CDIP1: variants seen among roughly 807,000 people sequenced by gnomAD.
CDIP1 encodes the protein cell death inducing p53 target 1.
A neutral mutation model predicts 17.7 loss-of-function variants in CDIP1; 9 were observed. The observed-to-expected ratio is 0.51, with a 90% CI of 0.31 to 0.89. The LOEUF is 0.89. CDIP1 is among the 40% of genes least tolerant of loss of function. CDIP1 has a pLI of 0.05. For missense variants in CDIP1, 263 were observed against 277.9 expected (o/e 0.95, Z 0.38); for synonymous variants, 117 against 109.5 (o/e 1.07, Z -0.43).
chr16:4,528,287 C>T (rs2059020806), intron 1 of CDIP1, among the ~76,000 whole-genome samples: 1 of 152,142 alleles, frequency 6.6e-6, no homozygotes. Flanking sequence ...ATATATTGCC[C>T]AGGCAGGTCT....
chr16:4,526,438 C>T (rs149776871), intron 1 of CDIP1, among the ~76,000 whole-genome samples: 100 of 151,714 alleles, frequency 6.6e-4, no homozygotes, highest in African/African-American at 1.9e-3. Flanking sequence ...CGGTGGCTCA[C>T]ACCTGTAATC....
chr16:4,512,258 A>G lies in CDIP1; in HGVS notation c.*314T>C. ...GGACTGAACCTGTACCTTGTTTGGAAACAGAGGCATCAGGACCCCAGCAGG... is the reference window on the plus strand; with the variant it reads ...GGACTGAACCTGTACCTTGTTTGGAGACAGAGGCATCAGGACCCCAGCAGG... On this transcript the variant is annotated 3_prime_UTR_variant, in exon 6 of 6. Coordinates refer to ENST00000567695, the MANE Select transcript of CDIP1 (RefSeq NM_013399.3). The surrounding 1 kb of genome is among the most constrained non-coding windows in gnomAD (Gnocchi z 4.6). The G allele has an allele frequency of 4.5e-6, 2 of 444,556 alleles. No individual in the cohort carries two copies. Among genetic ancestry groups the G allele is most frequent in the South Asian group, 4.5e-5 (2 of 44,200 alleles). 27.5% of individuals were successfully genotyped at this position (444,556 alleles called of 1,614,324 possible). A position where few individuals can be genotyped will look rare whatever the true frequency, so the allele number is the denominator to read the frequency against.
intron 1 of CDIP1, among the ~76,000 whole-genome samples, chr16:4,519,743 C>G (rs1048557746): frequency 8.6e-5 from 13 of 151,994 alleles, no homozygotes; most frequent in African/African-American, 3.1e-4. Context: ...TCTGTTAGTC[C>G]CCGCATCCTT....
In CDIP1 at chr16:4,513,234, TAAGTC is replaced by T. The variant is rs1185395362; in HGVS notation, c.242-175_242-171del. ...GTGGGAGGCCTTACAGCTGGGGCCC[TAAGTC>T]AAGTGGGGCCACATTCTCCCAGCCC... is the stretch of plus-strand genomic sequence containing the variant. On this transcript the variant is annotated intron_variant, in intron 4 of 5. Coordinates refer to ENST00000567695, the MANE Select transcript of CDIP1 (RefSeq NM_013399.3). This position sits in a 1 kb window ranked among gnomAD's most constrained non-coding sequence, Gnocchi z 4.1. 6.6e-6 allele frequency among the ~76,000 whole-genome samples: 1 copy of T among 152,154 alleles called. No individual in the cohort carries two copies. Among genetic ancestry groups the T allele is most frequent in the African/African-American group, 2.4e-5 (1 of 41,432 alleles).
intron 1 of CDIP1, among the ~76,000 whole-genome samples, chr16:4,517,472 T>C (rs192089133): frequency 2.9e-4 from 44 of 152,304 alleles, no homozygotes; most frequent in Admixed American, 2.6e-4. Flanking sequence ...CAGGGACTTA[T>C]TCCTGTAATC....
intron 1 of CDIP1, among the ~76,000 whole-genome samples, chr16:4,530,254 A>G (rs1462061332): frequency 6.6e-6 from 1 of 152,244 alleles, no homozygotes; most frequent in Non-Finnish European, 1.5e-5. Flanking sequence ...AAATTAGTTA[A>G]CTGAGTTTCT....
At chr16:4,515,803 G>T (rs1297804763) in intron 1 of CDIP1, among the ~76,000 whole-genome samples, 1 of 152,146 alleles carries the variant, frequency 6.6e-6, no homozygotes, top group Middle Eastern at 3.2e-3. Flanking sequence ...CTGCTGGTAG[G>T]GGACAGCCCC....
At chr16:4,521,534 C>T (rs562754003) in intron 1 of CDIP1, among the ~76,000 whole-genome samples, 2 of 151,980 alleles carry the variant, frequency 1.3e-5, no homozygotes, top group South Asian at 2.1e-4. Context: ...GCTTGCCACC[C>T]GGTGGAAGGC....
At chr16:4,537,821 GCCC>G (rs1373045959) in intron 1 of CDIP1, among the ~76,000 whole-genome samples, 1 of 152,206 alleles carries the variant, frequency 6.6e-6, no homozygotes, top group Non-Finnish European at 1.5e-5. Flanking sequence ...CTGTTGAGAA[GCCC>G]CCCAAGGAAC....
intron 1 of CDIP1, among the ~76,000 whole-genome samples, chr16:4,517,211 A>G (rs1047402184): frequency 1.3e-5 from 2 of 152,188 alleles, no homozygotes; most frequent in Admixed American, 6.5e-5. Context: ...AGTGCCAGTT[A>G]TTAATTTTCA....
chr16:4,533,232 G>C (rs1002252273), intron 1 of CDIP1: 6 of 152,296 alleles, frequency 3.9e-5, no homozygotes, highest in African/African-American at 1.4e-4. Flanking sequence ...CCTGCAGGGA[G>C]GTGGCCAGGG....
chr16:4,515,039 C>T (rs2058875554), intron 1 of CDIP1: 1 of 152,360 alleles, frequency 6.6e-6, no homozygotes, highest in Non-Finnish European at 1.5e-5. Context: ...AAATCTTTTC[C>T]CTCATTTCTG....
intron 1 of CDIP1, among the ~76,000 whole-genome samples, chr16:4,519,072 G>A (rs1489926838): frequency 6.6e-6 from 1 of 152,122 alleles, no homozygotes; most frequent in African/African-American, 2.4e-5. Flanking sequence ...AACAAAATAG[G>A]TGCCTGTTTG....
Position 4,512,769 on chromosome 16 carries a change from T to TA in CDIP1, c.515+21dup. 6.3e-7 allele frequency: 1 copy of TA among 1,595,368 alleles called. No homozygotes were observed. The highest frequency in any genetic ancestry group is 8.5e-7 in the Non-Finnish European group (1 of 1,170,410). On this transcript the variant is annotated intron_variant, in intron 5 of 5. Transcript: ENST00000567695. The surrounding 1 kb of genome is among the most constrained non-coding windows in gnomAD (Gnocchi z 4.6). ...GTTGACCCTGGTGCAGCCCCCACCC[T>TA]ACCAGTGCCCACACCACCTACCCCA... is the stretch of plus-strand genomic sequence containing the variant.
chr16:4,529,946 C>T (rs1038148763), intron 1 of CDIP1, among the ~76,000 whole-genome samples: 1 of 152,244 alleles, frequency 6.6e-6, no homozygotes, highest in Non-Finnish European at 1.5e-5. Flanking sequence ...TTGCCTGAGT[C>T]CCCCTATTCC....
chr16:4,535,441 T>C (rs2059097512), intron 1 of CDIP1, among the ~76,000 whole-genome samples: 1 of 152,254 alleles, frequency 6.6e-6, no homozygotes, highest in South Asian at 2.1e-4. Context: ...AGAATGCTCC[T>C]GGACCCCCTC....
chr16:4,513,893 T>G lies in CDIP1; in HGVS notation c.86-42A>C. On this transcript the variant is annotated intron_variant, in intron 3 of 5. Transcript: ENST00000567695. This position sits in a 1 kb window ranked among gnomAD's most constrained non-coding sequence, Gnocchi z 4.1. ...AGAAAGAGGAGACTGAGCTGGAGCC[T>G]CTGCACGATGAGCTCGACCAGAGGC... The G allele has an allele frequency of 6.6e-7, 1 of 1,520,216 alleles. No homozygotes were observed. The highest frequency in any genetic ancestry group is 8.8e-7 in the Non-Finnish European group (1 of 1,134,008). 94.2% of individuals were successfully genotyped at this position (1,520,216 alleles called of 1,614,324 possible).
intron 1 of CDIP1, among the ~76,000 whole-genome samples, chr16:4,529,963 C>T (rs1207863837): frequency 3.3e-5 from 5 of 152,166 alleles, no homozygotes; most frequent in African/African-American, 7.2e-5. Context: ...TTCCGTGGGT[C>T]GGGGTGGGAT....
intron 1 of CDIP1, among the ~76,000 whole-genome samples, chr16:4,517,943 A>C (rs528447655): frequency 6.6e-6 from 1 of 152,278 alleles, no homozygotes; most frequent in East Asian, 1.9e-4. Context: ...CCCCTGCTAC[A>C]AACTCCCAGA....
Sources: gnomAD v4.1 joint callset for allele counts (sites outside exome capture counted in the v4.1 genomes callset) on GRCh38, gnomAD v4.1.1 for gene constraint, Gnocchi (gnomAD v3.1) non-coding constraint, MANE v1.5 for transcripts, NCBI Gene and HGNC (gene_info 2026-07-23, HGNC 2026-07-21) for gene names.